The following DAPK1 variants were observed in gnomAD, a reference collection of about 807,000 sequenced individuals.
DAPK1 encodes death associated protein kinase 1, also known as death-associated protein kinase 1.
A neutral mutation model predicts 144.9 loss-of-function variants in DAPK1; 56 were observed. That is an observed-to-expected ratio of 0.39 (90% CI 0.31 to 0.48). The LOEUF is 0.48. Among genes scored for constraint, DAPK1 ranks in the 20% least tolerant of loss-of-function variants. The pLI is 0.95. For synonymous variants in DAPK1, 690 were observed against 749.0 expected (o/e 0.92, Z 1.29); for missense variants, 1,454 against 1,875.4 (o/e 0.78, Z 4.15).
intron 3 of DAPK1, among the ~76,000 whole-genome samples, chr9:87,636,884 T>G (rs1371188445): frequency 6.6e-6 from 1 of 152,164 alleles, no homozygotes; most frequent in Non-Finnish European, 1.5e-5. Flanking sequence ...TCGTGGAGTT[T>G]TTAGGGGAGC....
intron 2 of DAPK1, among the ~76,000 whole-genome samples, chr9:87,538,359 G>A (rs867225956): frequency 6.6e-6 from 1 of 152,262 alleles, no homozygotes; most frequent in Middle Eastern, 3.4e-3. Context: ...GAAAATCATT[G>A]TAAATATTCA....
chr9:87,613,530 A>C (rs548926531), intron 3 of DAPK1, among the ~76,000 whole-genome samples: 5 of 152,240 alleles, frequency 3.3e-5, no homozygotes, highest in Non-Finnish European at 5.9e-5. Context: ...ATGCAAAATA[A>C]TCAGAATACA....
At chr9:87,617,141 G>T (rs185927959) in intron 3 of DAPK1, among the ~76,000 whole-genome samples, 4 of 152,334 alleles carry the variant, frequency 2.6e-5, no homozygotes, top group Non-Finnish European at 5.9e-5. Context: ...ATTTGTCACT[G>T]CATAGTTAGG....
chr9:87,606,836 C>G (rs1005345046), intron 3 of DAPK1, among the ~76,000 whole-genome samples: 3 of 147,904 alleles, frequency 2.0e-5, no homozygotes, highest in African/African-American at 5.0e-5. Context: ...CTTTCTCCCC[C>G]CTTCCAAATC....
At chr9:87,504,482 G>T (rs1361533195) in intron 2 of DAPK1, among the ~76,000 whole-genome samples, 1 of 152,150 alleles carries the variant, frequency 6.6e-6, no homozygotes, top group Non-Finnish European at 1.5e-5. Flanking sequence ...GGTGCTTATT[G>T]GTCGGGAAGC....
intron 2 of DAPK1, among the ~76,000 whole-genome samples, chr9:87,567,334 G>A (rs1394352150): frequency 6.6e-6 from 1 of 152,110 alleles, no homozygotes; most frequent in Non-Finnish European, 1.5e-5. Flanking sequence ...CTGCCAAAAT[G>A]CAAATATCCT....
At chr9:87,606,066 C>G (rs1232686024) in intron 3 of DAPK1, among the ~76,000 whole-genome samples, 1 of 152,232 alleles carries the variant, frequency 6.6e-6, no homozygotes, top group East Asian at 1.9e-4. Context: ...TTGAATTCAG[C>G]CTCTTGAATT....
chr9:87,685,587 G>A (rs1824813400), intron 20 of DAPK1, among the ~76,000 whole-genome samples: 1 of 152,178 alleles, frequency 6.6e-6, no homozygotes. Flanking sequence ...GCCTGCACAA[G>A]CCTGGTGGGA....
intron 2 of DAPK1, among the ~76,000 whole-genome samples, chr9:87,560,658 C>T (rs936578505): frequency 3.6e-5 from 5 of 138,904 alleles, no homozygotes; most frequent in African/African-American, 1.4e-4. Context: ...AGGCATGTGT[C>T]AGAACGTACT....
intron 19 of DAPK1, among the ~76,000 whole-genome samples, chr9:87,673,491 A>G (rs1168250887): frequency 6.6e-6 from 1 of 152,218 alleles, no homozygotes; most frequent in African/African-American, 2.4e-5. Flanking sequence ...TGCCCGCAGC[A>G]GTGGAAGATG....
intron 2 of DAPK1, among the ~76,000 whole-genome samples, chr9:87,557,157 G>A (rs1241616911): frequency 6.6e-6 from 1 of 152,088 alleles, no homozygotes; most frequent in African/African-American, 2.4e-5. Context: ...GCATTGTAAG[G>A]CCAGTGGTTT....
intron 2 of DAPK1, among the ~76,000 whole-genome samples, chr9:87,577,317 G>A (rs1168509889): frequency 6.6e-6 from 1 of 152,132 alleles, no homozygotes; most frequent in Non-Finnish European, 1.5e-5. Flanking sequence ...GTTTTAACTA[G>A]ACTTCAGGTG....
intron 2 of DAPK1, among the ~76,000 whole-genome samples, chr9:87,517,528 C>A (rs1825109186): frequency 6.6e-6 from 1 of 152,080 alleles, no homozygotes; most frequent in South Asian, 2.1e-4. Context: ...TCTTGCAAGA[C>A]CCTTCAGAAA....
intron 25 of DAPK1, among the ~76,000 whole-genome samples, chr9:87,705,551 A>G (rs1825608217): frequency 6.6e-6 from 1 of 152,080 alleles, no homozygotes; most frequent in South Asian, 2.1e-4. Flanking sequence ...AGTTGTTGAC[A>G]TTTTGCTACA....
At chr9:87,648,922 G>A (rs1830352633) in intron 15 of DAPK1, 43 bp downstream of exon 15, 1 of 1,497,510 alleles carries the variant, frequency 6.7e-7, no homozygotes, top group Non-Finnish European at 9.3e-7. Flanking sequence ...CTCTATACAT[G>A]AATGTACAGG....
chr9:87,629,897 A>G (rs563979910), intron 3 of DAPK1, among the ~76,000 whole-genome samples: 125 of 152,230 alleles, frequency 8.2e-4, no homozygotes, highest in African/African-American at 2.9e-3. Context: ...GGCAGCATCC[A>G]CCTGCGTGCT....
intron 2 of DAPK1, among the ~76,000 whole-genome samples, chr9:87,506,335 G>C (rs1042370035): frequency 1.3e-4 from 20 of 152,214 alleles, no homozygotes; most frequent in Admixed American, 3.9e-4. Flanking sequence ...AGGCAACAGG[G>C]TCTGCCCTTT....
rs1183034917 is a variant in DAPK1, at chr9:87,547,086, G to T, written c.62+47947G>T. 2.0e-5 allele frequency among the ~76,000 whole-genome samples: 3 copies of T among 152,332 alleles called. No individual in the cohort carries two copies. The East Asian group carries it at 5.8e-4, about 29-fold the overall frequency. ...GTGGGAGGATGCTTTAAGCCTGGGA[G>T]GCGGAGGTTGCAGTGAGCCAAGAGC... On this transcript the variant is annotated intron_variant, in intron 2 of 25. Coordinates refer to ENST00000408954, the MANE Select transcript of DAPK1 (RefSeq NM_004938.4).
intron 17 of DAPK1, among the ~76,000 whole-genome samples, chr9:87,652,686 G>T (rs1194763755): frequency 6.9e-6 from 1 of 144,876 alleles, no homozygotes; most frequent in Non-Finnish European, 1.5e-5. Context: ...TCCTGATTCT[G>T]TGTCCTCTCA....
Sources: gnomAD v4.1 joint callset for allele counts (sites outside exome capture counted in the v4.1 genomes callset) on GRCh38, gnomAD v4.1.1 for gene constraint, MANE v1.5 for transcripts, NCBI Gene and HGNC (gene_info 2026-07-23, HGNC 2026-07-21) for gene names.